Variants in MBNL1 observed in about 807,000 individuals in gnomAD.
The protein encoded by MBNL1 is muscleblind like splicing regulator 1.
Under a neutral mutation model 42.2 loss-of-function variants are expected in MBNL1, and 8 were observed. The ratio of observed to expected loss-of-function variants is 0.19; its 90% CI spans 0.11 to 0.34. The LOEUF is 0.34. Ranked by LOEUF, MBNL1 falls within the 10% of genes least tolerant of loss-of-function variation. MBNL1 has a pLI of 1.00. For synonymous variants in MBNL1, 169 were observed against 173.9 expected (o/e 0.97, Z 0.22); for missense variants, 309 against 495.3 (o/e 0.62, Z 3.57).
At chr3:152,347,777 TGCACA>T (rs112363259) in intron 2 of MBNL1, among the ~76,000 whole-genome samples, 177 of 152,250 alleles carry the variant, frequency 1.2e-3, no homozygotes, top group African/African-American at 3.6e-3. Context: ...ATAAAGATAA[TGCACA>T]GCACAGTACT....
At chr3:152,361,777 T>C (rs2095978985) in intron 2 of MBNL1, among the ~76,000 whole-genome samples, 1 of 152,220 alleles carries the variant, frequency 6.6e-6, no homozygotes, top group Admixed American at 6.5e-5. Context: ...AGATTAAATC[T>C]TGCTTTAATA....
chr3:152,446,314 T>G lies in MBNL1; in HGVS notation c.807+775T>G, dbSNP rs2099224349. 2.0e-5 allele frequency among the ~76,000 whole-genome samples: 3 copies of G among 152,146 alleles called. No homozygotes were observed. The South Asian group carries it at 6.2e-4, about 32-fold the overall frequency. On this transcript the variant is annotated intron_variant, in intron 5 of 9. Coordinates refer to ENST00000324210, the MANE Select transcript of MBNL1 (RefSeq NM_021038.5). ...ATCAATGAAATACTCATTTTAAAAG[T>G]CACTGTGTAGTATTTCATAACACAG...
intron 2 of MBNL1, among the ~76,000 whole-genome samples, chr3:152,259,948 A>G (rs1489326417): frequency 1.3e-5 from 2 of 152,186 alleles, no homozygotes; most frequent in Non-Finnish European, 2.9e-5. Flanking sequence ...AATTTTGCAC[A>G]TTTATATTAT....
chr3:152,286,875 G>A (rs1284962875), intron 1 of MBNL1, among the ~76,000 whole-genome samples: 2 of 152,094 alleles, frequency 1.3e-5, no homozygotes, highest in Non-Finnish European at 2.9e-5. Flanking sequence ...CTAAGTTGTA[G>A]TGAACTGCTG....
intron 2 of MBNL1, among the ~76,000 whole-genome samples, chr3:152,365,636 C>G (rs2096307986): frequency 6.6e-6 from 1 of 151,874 alleles, no homozygotes; most frequent in Non-Finnish European, 1.5e-5. Flanking sequence ...ATTGGGAAAC[C>G]CTTGCTTAAT....
chr3:152,362,877 G>C (rs1434880176), intron 2 of MBNL1, among the ~76,000 whole-genome samples: 1 of 152,110 alleles, frequency 6.6e-6, no homozygotes, highest in Non-Finnish European at 1.5e-5. Context: ...TAGAGATATA[G>C]ATAAATGTTT....
intron 2 of MBNL1, among the ~76,000 whole-genome samples, chr3:152,344,195 CAT>C (rs1219981233): frequency 1.3e-5 from 2 of 152,026 alleles, no homozygotes; most frequent in African/African-American, 4.8e-5. Context: ...AAACATAAAA[CAT>C]AGTAAAAAGA....
chr3:152,369,222 G>A (rs1322222854), intron 2 of MBNL1, among the ~76,000 whole-genome samples: 1 of 152,036 alleles, frequency 6.6e-6, no homozygotes, highest in Admixed American at 6.6e-5. Context: ...AGCATGAAGG[G>A]GTGTTGAATT....
rs766459023 is a variant in MBNL1, at chr3:152,421,222, C to G, written c.345+6111C>G. Among the ~76,000 whole-genome samples, 5 of 152,278 alleles carry G rather than the reference C, an allele frequency of 3.3e-5. No homozygotes were observed. In the Middle Eastern group the frequency reaches 0.01, roughly 311 times the overall value. On this transcript the variant is annotated intron_variant, in intron 3 of 9. Transcript: ENST00000324210. ...AGGATATTAGCCAGAACTTCCCCAA[C>G]CTAGCAAGATAGGCTGTTTGGGCAG...
At chr3:152,427,910 C>T (rs1274145382) in intron 3 of MBNL1, among the ~76,000 whole-genome samples, 1 of 151,298 alleles carries the variant, frequency 6.6e-6, no homozygotes, top group Non-Finnish European at 1.5e-5. Context: ...GTTACATATA[C>T]TCCCTCTATT....
intron 2 of MBNL1, among the ~76,000 whole-genome samples, chr3:152,307,236 G>T (rs552420815): frequency 6.6e-6 from 1 of 152,132 alleles, no homozygotes; most frequent in Non-Finnish European, 1.5e-5. Flanking sequence ...TGATCAGCCC[G>T]CCTTGGCCTT....
chr3:152,266,239 C>G (rs2037207382), upstream of MBNL1: 1 of 152,008 alleles, frequency 6.6e-6, no homozygotes, highest in Non-Finnish European at 1.5e-5. Flanking sequence ...AACATTTTTT[C>G]TCCTTTTTTA....
intron 2 of MBNL1, among the ~76,000 whole-genome samples, chr3:152,316,415 C>T (rs1000110350): frequency 1.4e-4 from 21 of 152,208 alleles, no homozygotes; most frequent in Non-Finnish European, 1.5e-5. Context: ...GCAAGATCCA[C>T]TTAATTCCAT....
chr3:152,397,734 A>G (rs2098035656), intron 2 of MBNL1, among the ~76,000 whole-genome samples: 2 of 152,146 alleles, frequency 1.3e-5, no homozygotes, highest in Admixed American at 6.5e-5. Context: ...CATATTATAA[A>G]TATTTTCCTA....
chr3:152,370,397 T>A (rs1426992479), intron 2 of MBNL1, among the ~76,000 whole-genome samples: 5 of 152,230 alleles, frequency 3.3e-5, no homozygotes, highest in Non-Finnish European at 7.3e-5. Flanking sequence ...TTGCACTTGC[T>A]GAGGAGTGTT....
intron 4 of MBNL1, among the ~76,000 whole-genome samples, chr3:152,435,570 C>A (rs1179169760): frequency 6.6e-6 from 1 of 151,712 alleles, no homozygotes; most frequent in Admixed American, 6.6e-5. Context: ...TTTTCTAATT[C>A]TGTGAAGAAT....
At chr3:152,382,736 C>G (rs1363307111) in intron 2 of MBNL1, among the ~76,000 whole-genome samples, 1 of 152,130 alleles carries the variant, frequency 6.6e-6, no homozygotes, top group Non-Finnish European at 1.5e-5. Context: ...TCTTTTTACA[C>G]TGGTTGCCCT....
intron 4 of MBNL1, 35 bp downstream of exon 4, chr3:152,432,955 A>C (rs2099025422): frequency 1.3e-6 from 2 of 1,544,814 alleles, no homozygotes; most frequent in Non-Finnish European, 1.8e-6. Flanking sequence ...TATATACTAC[A>C]TTCTAATTCT....
At position 152,332,723 on chromosome 3, in the gene MBNL1, T is replaced by C. The variant is rs1005375548; in HGVS notation, c.174+32356T>C. Among the ~76,000 whole-genome samples, 154 of 129,330 alleles carry C rather than the reference T, an allele frequency of 1.2e-3. 1 individual carries two copies. The highest frequency in any genetic ancestry group is 1.4e-3 in the Non-Finnish European group (83 of 60,082). The allele number at this position is 129,330 out of a possible 152,430, so 84.8% of individuals were successfully genotyped here. ...GTGTGTGTGTGTGTGTGTGTGTGTG[T>C]GTGTGTGTGTGTGTGTGCGCGCGCG... On this transcript the variant is annotated intron_variant, in intron 2 of 9. Transcript: ENST00000324210.
Sources: gnomAD v4.1 joint callset for allele counts (sites outside exome capture counted in the v4.1 genomes callset) on GRCh38, gnomAD v4.1.1 for gene constraint, MANE v1.5 for transcripts, NCBI Gene and HGNC (gene_info 2026-07-23, HGNC 2026-07-21) for gene names.